Variants in ARFGAP2 observed in about 807,000 individuals in gnomAD.
ARFGAP2 encodes the protein ADP-ribosylation factor GTPase-activating protein 2.
In ARFGAP2, 45 loss-of-function variants were observed where a neutral mutation model predicts 71.9. That is an observed-to-expected ratio of 0.63 (90% CI 0.49 to 0.80). The LOEUF (loss-of-function observed/expected upper bound fraction) is 0.80, where lower values mean the gene tolerates loss of function less well. ARFGAP2 is among the 30% of genes least tolerant of loss of function. The pLI is 0.00. For missense variants in ARFGAP2, 633 were observed against 673.9 expected (o/e 0.94, Z 0.67); for synonymous variants, 248 against 249.2 (o/e 1.00, Z 0.05).
intron 10 of ARFGAP2, 58 bp downstream of exon 10, chr11:47,171,368 C>T (rs995675661): frequency 5.1e-5 from 82 of 1,602,776 alleles, no homozygotes; most frequent in African/African-American, 4.2e-4. Context: ...AGGAAGGCCC[C>T]GCAATGGTTC....
At chr11:47,173,208 T>C (rs1158788084) in intron 7 of ARFGAP2, 1 of 614,338 alleles carries the variant, frequency 1.6e-6, no homozygotes, top group African/African-American at 1.8e-5. Flanking sequence ...CCCCAGGCCT[T>C]ATACACCAGC....
At chr11:47,167,807 C>G in intron 12 of ARFGAP2, 102 bp downstream of exon 12, 2 of 1,372,774 alleles carry the variant, frequency 1.5e-6, no homozygotes, top group Non-Finnish European at 1.9e-6. Flanking sequence ...ACATTCCCAT[C>G]AACACAGAAA....
chr11:47,167,037 C>G, intron 12 of ARFGAP2, 151 bp from the exon 13 acceptor site: 1 of 1,029,278 alleles, frequency 9.7e-7, no homozygotes, highest in Non-Finnish European at 1.4e-6. Context: ...CCCCTCTCCC[C>G]TGGTGAGGAG....
chr11:47,171,462 T>C lies in ARFGAP2; in HGVS notation c.905A>G (p.Gln302Arg). 1 of 1,614,214 alleles carries C rather than the reference T, an allele frequency of 6.2e-7. No individual in the cohort carries two copies. Among genetic ancestry groups the C allele is most frequent in the South Asian group, 1.1e-5 (1 of 91,088 alleles). ...CAAGCCCATGCCCAACCTTTCTGCC[T>C]GCTCTCGCTTCTTCCCTTCCAGATT... ...LQNLEGKKREQAERLGMGLVS... is the reference protein window; with the variant it reads ...LQNLEGKKRERAERLGMGLVS... The change falls in exon 10 of 16, where the codon CAG becomes CGG. Residue 302 changes from glutamine (Q) to arginine (R), a missense_variant. By Grantham distance (43) the Gln-to-Arg change is conservative. Transcript: ENST00000524782.
In ARFGAP2 at chr11:47,165,432, T is replaced by C. The variant is rs746507105; in HGVS notation, c.*50A>G. 6.4e-7 allele frequency: 1 copy of C among 1,557,184 alleles called. No individual in the cohort carries two copies. Among genetic ancestry groups the C allele is most frequent in the South Asian group, 1.2e-5 (1 of 83,638 alleles). ...CAAAGCATCCCCAGCCTGGGAACTG[T>C]GGAGTTCTTGTTGCCGTCACCATCG... On this transcript the variant is annotated 3_prime_UTR_variant, in exon 16 of 16. Transcript: ENST00000524782.
At position 47,165,495 on chromosome 11, in the gene ARFGAP2, T is replaced by C. The variant is rs751065336; in HGVS notation, c.1553A>G (p.Tyr518Cys). Residue 518 changes from tyrosine to cysteine, a missense_variant, in exon 16 of 16, where the codon TAC (tyrosine) becomes TGC (cysteine). Transcript: ENST00000524782. ...ACAGAGCTCGGATCAGTAGGAACCG[T>C]AGCGATCCTGGGGGCGAGGGGGGAG... ...NGVMNSLQDR[Y>C]GSY 2.6e-6 allele frequency: 4 copies of C among 1,559,446 alleles called. No homozygotes were observed. Among genetic ancestry groups the C allele is most frequent in the Non-Finnish European group, 3.5e-6 (4 of 1,154,008 alleles).
intron 3 of ARFGAP2, 43 bp from the exon 4 acceptor site, chr11:47,175,356 T>G (rs770307600): frequency 4.3e-5 from 70 of 1,613,386 alleles, no homozygotes; most frequent in Non-Finnish European, 5.0e-5. Context: ...CGGGTGATTC[T>G]CAAGAAGGAA....
chr11:47,165,520 G>GAAA lies in ARFGAP2; in HGVS notation c.1546-21_1546-19dup. ...TAGCGATCCTGGGGGCGAGGGGGGAGAAAAAAAAAAAAAAAGTCAGAGGCT... is the reference window on the plus strand; with the variant it reads ...TAGCGATCCTGGGGGCGAGGGGGGAGAAAAAAAAAAAAAAAAAAGTCAGAGGCT... On this transcript the variant is annotated intron_variant, in intron 15 of 15. Transcript: ENST00000524782. 2.8e-5 allele frequency: 39 copies of GAAA among 1,403,952 alleles called. No individual in the cohort carries two copies. The highest frequency in any genetic ancestry group is 1.7e-4 in the Admixed American group (7 of 42,338). The allele number at this position is 1,403,952 out of a possible 1,614,324, so 87.0% of individuals were successfully genotyped here.
At chr11:47,174,367 C>CTTTT (rs10594569) in intron 5 of ARFGAP2, 1 of 58,740 alleles carries the variant, frequency 1.7e-5, no homozygotes, top group African/African-American at 7.5e-5. Context: ...AGCACAGTGC[C>CTTTT]TTTTTTTTTT....
At position 47,171,771 on chromosome 11, in the gene ARFGAP2, C is replaced by G; in HGVS notation, c.702G>C (p.Gln234His). The change falls in exon 9 of 16, where the codon CAG becomes CAC. Residue 234 changes from glutamine (Q) to histidine (H), a missense_variant. By Grantham distance (24) the Gln-to-His change is conservative (BLOSUM62 0). Coordinates refer to ENST00000524782, the MANE Select transcript of ARFGAP2 (RefSeq NM_032389.6). ...CACTGAAGCTCTGGCTGCTCACCTT[C>G]TGGGCCCCTAGGCCTTTCTTGGCAC... The part of the protein sequence containing the change: ...GLGAKKGLGA[Q>H]KVSSQSFSEI... 6.2e-7 allele frequency: 1 copy of G among 1,613,992 alleles called. No individual in the cohort carries two copies. The highest frequency in any genetic ancestry group is 8.5e-7 in the Non-Finnish European group (1 of 1,180,050).
At chr11:47,172,701 G>A in intron 7 of ARFGAP2, 1 of 1,305,582 alleles carries the variant, frequency 7.7e-7, no homozygotes, top group Non-Finnish European at 1.0e-6. Context: ...CCAAGCAGCT[G>A]TCAGTTACCT....
At position 47,173,498 on chromosome 11, in the gene ARFGAP2, T is replaced by C; in HGVS notation, c.563-16A>G. On this transcript the variant is annotated splice_polypyrimidine_tract_variant and intron_variant, in intron 6 of 15. Transcript: ENST00000524782. ...TGCTCCGGCTCTGTGGATGCAATGG[T>C]AGGAGTTAGAGATGAGCTCCTAGCT... 2 of 1,551,682 alleles carry C rather than the reference T, an allele frequency of 1.3e-6. No individual in the cohort carries two copies. The highest frequency in any genetic ancestry group is 1.4e-5 in the African/African-American group (1 of 73,340).
At chr11:47,172,070 T>A in intron 8 of ARFGAP2, 2 of 707,450 alleles carry the variant, frequency 2.8e-6, no homozygotes, top group South Asian at 3.6e-5. Context: ...AAGCACTAGA[T>A]GTGCTCCATC....
chr11:47,176,532 G>A lies in ARFGAP2; in HGVS notation c.175C>T (p.His59Tyr), dbSNP rs1952836316. The A allele has an allele frequency of 6.2e-7, 1 of 1,613,662 alleles. No homozygotes were observed. The highest frequency in any genetic ancestry group is 8.5e-7 in the Non-Finnish European group (1 of 1,179,982). Residue 59 changes from histidine to tyrosine, a missense_variant, in exon 2 of 16, where the codon CAT becomes TAT. Coordinates refer to ENST00000524782, the MANE Select transcript of ARFGAP2 (RefSeq NM_032389.6). ...CSGVHRSLGV[H>Y]LSFIRSTELD... ...AGAGCCTACCTGATGAAGCTCAGATGGACGCCCAGGGAGCGGTGCACCCCG... is the reference window on the plus strand; with the variant it reads ...AGAGCCTACCTGATGAAGCTCAGATAGACGCCCAGGGAGCGGTGCACCCCG...
rs1263576056 is a variant in ARFGAP2 at position 47,172,320 on chromosome 11, G to A, written c.633C>T (p.Ser211=). 3 of 1,614,132 alleles carry A rather than the reference G, an allele frequency of 1.9e-6. No homozygotes were observed. The highest frequency in any genetic ancestry group is 2.5e-6 in the Non-Finnish European group (3 of 1,180,038). ...CTGCTGGCTTCTTCTTGCCAATGAT[G>A]GAGCTTTTCAGTTCTGCGTGAGAAA... ...SPKASLELKS[S]IIGKKKPAAA... Residue 211 remains serine (S), a synonymous_variant, in exon 8 of 16, where the codon TCC becomes TCT. Transcript: ENST00000524782.
intron 10 of ARFGAP2, among the ~76,000 whole-genome samples, chr11:47,170,339 A>G (rs58070098): frequency 4.5e-4 from 68 of 150,732 alleles, no homozygotes; most frequent in South Asian, 3.8e-3. Flanking sequence ...AAAAAAAAAA[A>G]AAAAGAAAAG....
chr11:47,174,104 G>A, intron 5 of ARFGAP2: 1 of 564,594 alleles, frequency 1.8e-6, no homozygotes, highest in South Asian at 2.0e-5. Context: ...CCACCACCTA[G>A]GCAGGCACAG....
rs1952404360 is a variant in ARFGAP2 at position 47,166,844 on chromosome 11, G to A, written c.1248C>T (p.Leu416=). ...RREVESRSSG[L]ESSEARQKFA... is the part of the protein sequence containing the mutation. ...ATTTCTGACGCGCCTCACTAGACTC[G>A]AGGCCTGAGCTCCGGCTCTCCACTT... Residue 416 remains leucine (L), a synonymous_variant, in exon 13 of 16, where the codon CTC becomes CTT. Transcript: ENST00000524782. 1.2e-5 allele frequency: 19 copies of A among 1,613,896 alleles called. No homozygotes were observed. The highest frequency in any genetic ancestry group is 2.2e-5 in the South Asian group (2 of 91,094).
chr11:47,175,395 A>G, intron 3 of ARFGAP2, 82 bp from the exon 4 acceptor site: 1 of 1,592,876 alleles, frequency 6.3e-7, no homozygotes. Context: ...ACATCTCCTT[A>G]TGACAGCGAA....
Sources: allele counts gnomAD v4.1 joint callset (sites outside exome capture counted in the v4.1 genomes callset), GRCh38; gene constraint gnomAD v4.1.1; transcripts MANE v1.5; gene names NCBI Gene and HGNC (gene_info 2026-07-23, HGNC 2026-07-21).